Variants in ALDH7A1 observed in about 807,000 individuals in gnomAD.
The protein encoded by ALDH7A1 is aldehyde dehydrogenase 7 family member A1, also known as alpha-aminoadipic semialdehyde dehydrogenase.
ALDH7A1 carries 63 observed loss-of-function variants against 79.9 expected under a neutral mutation model. That is an observed-to-expected ratio of 0.79 (90% CI 0.64 to 0.97). The LOEUF (loss-of-function observed/expected upper bound fraction) is 0.97, where lower values mean the gene tolerates loss of function less well. Among genes scored for constraint, ALDH7A1 ranks in the 50% least tolerant of loss-of-function variants. The pLI is 0.00. For missense variants in ALDH7A1, 627 were observed against 665.2 expected, an observed-to-expected ratio of 0.94 and a Z score of 0.63; for synonymous variants, 240 against 231.2, an observed-to-expected ratio of 1.04 and a Z score of -0.34.
At chr5:126,553,668 G>A (rs930506745) in intron 13 of ALDH7A1, among the ~76,000 whole-genome samples, 7 of 151,822 alleles carry the variant, frequency 4.6e-5, no homozygotes, top group South Asian at 2.1e-4. Context: ...CTGAGATCAC[G>A]CCACTGCACT....
intron 10 of ALDH7A1, 94 bp from the exon 11 acceptor site, chr5:126,559,428 GT>G: frequency 1.4e-6 from 1 of 718,626 alleles, no homozygotes; most frequent in South Asian, 1.7e-5. Flanking sequence ...TTTGTTTTTG[GT>G]TTTGGTTTTT....
At chr5:126,578,975 G>A (rs1364551179) in intron 5 of ALDH7A1, among the ~76,000 whole-genome samples, 1 of 151,822 alleles carries the variant, frequency 6.6e-6, no homozygotes, top group African/African-American at 2.4e-5. Flanking sequence ...TGAAGTGCTG[G>A]CACAGCCTCT....
chr5:126,560,456 G>A (rs1750366550), intron 10 of ALDH7A1, among the ~76,000 whole-genome samples: 1 of 152,058 alleles, frequency 6.6e-6, no homozygotes, highest in African/African-American at 2.4e-5. Flanking sequence ...GGGTGACAGA[G>A]TAAGACTCCC....
At chr5:126,572,400 T>C (rs1294529179) in intron 7 of ALDH7A1, among the ~76,000 whole-genome samples, 2 of 152,210 alleles carry the variant, frequency 1.3e-5, no homozygotes, top group Non-Finnish European at 2.9e-5. Context: ...GACTGTACTC[T>C]CTTTAAGGGC....
intron 8 of ALDH7A1, chr5:126,569,274 T>G (rs1253154138): frequency 6.6e-6 from 1 of 152,230 alleles, no homozygotes; most frequent in South Asian, 2.1e-4. Context: ...CCTGCCGTGG[T>G]CCATGGAAAA....
At chr5:126,549,736 C>CT (rs1462838866) in intron 16 of ALDH7A1, 193 bp downstream of exon 16, 6 of 645,614 alleles carry the variant, frequency 9.3e-6, no homozygotes, top group Non-Finnish European at 1.7e-5. Flanking sequence ...GATGCTGCCT[C>CT]TGAGGAGATG....
intron 9 of ALDH7A1, among the ~76,000 whole-genome samples, chr5:126,564,129 T>C (rs2112775984): frequency 6.6e-6 from 1 of 152,294 alleles, no homozygotes; most frequent in South Asian, 2.1e-4. Flanking sequence ...CATAAAGATC[T>C]GAGAGATGTG....
At chr5:126,589,537 T>C (rs1751470524) in intron 3 of ALDH7A1, among the ~76,000 whole-genome samples, 1 of 151,854 alleles carries the variant, frequency 6.6e-6, no homozygotes, top group African/African-American at 2.4e-5. Flanking sequence ...TCCAAACACT[T>C]TGGGAGGCCA....
chr5:126,549,310 T>C (rs1749909833), intron 16 of ALDH7A1, among the ~76,000 whole-genome samples: 1 of 152,134 alleles, frequency 6.6e-6, no homozygotes, highest in Non-Finnish European at 1.5e-5. Flanking sequence ...ATATAAACTT[T>C]TACAAGTATT....
intron 11 of ALDH7A1, among the ~76,000 whole-genome samples, chr5:126,557,500 T>A (rs571073902): frequency 1.0e-3 from 156 of 151,090 alleles, no homozygotes; most frequent in African/African-American, 3.3e-3. Context: ...GGTGGGAGAA[T>A]CACTTGAACC....
At chr5:126,586,057 T>A (rs1200977314) in intron 3 of ALDH7A1, 2 of 152,172 alleles carry the variant, frequency 1.3e-5, no homozygotes, top group African/African-American at 2.4e-5. Context: ...AAAGCTATAA[T>A]AGAATAATAC....
chr5:126,554,001 G>A (rs367821521), intron 13 of ALDH7A1, among the ~76,000 whole-genome samples: 5 of 151,778 alleles, frequency 3.3e-5, no homozygotes, highest in Non-Finnish European at 5.9e-5. Context: ...CCAGCTACTC[G>A]GGAGGCTGAA....
At chr5:126,579,420 C>T (rs1005202309) in intron 5 of ALDH7A1, among the ~76,000 whole-genome samples, 2 of 152,140 alleles carry the variant, frequency 1.3e-5, no homozygotes, top group African/African-American at 2.4e-5. Flanking sequence ...ACCGTTTACT[C>T]CCTCATATTA....
intron 12 of ALDH7A1, chr5:126,555,564 T>A: frequency 1.7e-5 from 3 of 171,866 alleles, no homozygotes; most frequent in Admixed American, 6.0e-5. Flanking sequence ...AGCAGGAGAG[T>A]GAATTATCTG....
At position 126,564,482 on chromosome 5, in the gene ALDH7A1, C is replaced by T. The variant is rs573925610; in HGVS notation, c.872-3358G>A. 758 of 1,192,058 alleles carry T rather than the reference C, an allele frequency of 6.4e-4. 2 individuals carry two copies. Among genetic ancestry groups the T allele is most frequent in the Admixed American group, 1.1e-3 (26 of 23,590 alleles). The allele number at this position is 1,192,058 out of a possible 1,614,324, so 73.8% of individuals were successfully genotyped here. A position where few individuals can be genotyped will look rare whatever the true frequency, so the allele number is the denominator to read the frequency against. ...CATTTATTACTGATCTTTTGATCAT[C>T]GATTTCCTTAAGTGCACTTTAAAAT... On this transcript the variant is annotated intron_variant, in intron 9 of 17. Transcript: ENST00000409134.
intron 11 of ALDH7A1, among the ~76,000 whole-genome samples, chr5:126,556,239 C>CTTTTTTTTTTTT (rs35367836): frequency 1.0e-5 from 1 of 97,934 alleles, no homozygotes; most frequent in Non-Finnish European, 1.9e-5. Flanking sequence ...TAAGCCATGT[C>CTTTTTTTTTTTT]TTTTTTTTTT....
chr5:126,582,996 C>T (rs1751227543), intron 4 of ALDH7A1, 22 bp from the exon 5 acceptor site: 3 of 1,613,770 alleles, frequency 1.9e-6, no homozygotes, highest in Non-Finnish European at 2.5e-6. Flanking sequence ...AAACGACAAG[C>T]AGAATTTTTC....
intron 10 of ALDH7A1, among the ~76,000 whole-genome samples, chr5:126,560,338 G>T (rs1750362458): frequency 6.6e-6 from 1 of 152,114 alleles, no homozygotes; most frequent in African/African-American, 2.4e-5. Flanking sequence ...GGGCATGGTG[G>T]CATGCGCCTG....
Position 126,577,187 on chromosome 5 carries a change from T to C in ALDH7A1, c.542A>G (p.Gln181Arg), listed in dbSNP as rs796052257. Reference protein sequence around the residue: ...SERSGHALIEQWNPVGLVGII... With the variant: ...SERSGHALIERWNPVGLVGII... ...TCCAACCAGGCCTACGGGATTCCAC[T>C]GCTCAATCAGTGCATGGCCAGATCC... is the stretch of plus-strand genomic sequence containing the variant. The change falls in exon 6 of 18, where the codon CAG becomes CGG. Residue 181 changes from glutamine (Q) to arginine (R), a missense_variant. Physicochemically the swap from Gln to Arg is conservative, Grantham distance 43 (BLOSUM62 1). Coordinates refer to ENST00000409134, the MANE Select transcript of ALDH7A1 (RefSeq NM_001182.5). 1.4e-5 allele frequency: 22 copies of C among 1,614,052 alleles called. No individual in the cohort carries two copies. Among genetic ancestry groups the C allele is most frequent in the African/African-American group, 4.0e-5 (3 of 74,896 alleles).
Sources: allele counts gnomAD v4.1 joint callset (sites outside exome capture counted in the v4.1 genomes callset), GRCh38; gene constraint gnomAD v4.1.1; transcripts MANE v1.5; gene names NCBI Gene and HGNC (gene_info 2026-07-23, HGNC 2026-07-21).